Variants in GTF3C2 observed in about 807,000 individuals in gnomAD.
The protein encoded by GTF3C2 is general transcription factor IIIC subunit 2.
A neutral mutation model predicts 117.4 loss-of-function variants in GTF3C2; 17 were observed. The observed-to-expected ratio is 0.14, with a 90% CI of 0.10 to 0.22. GTF3C2 has a LOEUF of 0.22. Ranked by LOEUF, GTF3C2 falls within the 10% of genes least tolerant of loss-of-function variation. The pLI, the probability that GTF3C2 is intolerant of heterozygous loss-of-function variation, is 1.00. For missense variants in GTF3C2, 888 were observed against 1,143.6 expected, an observed-to-expected ratio of 0.78 and a Z score of 3.22; for synonymous variants, 437 against 427.0, an observed-to-expected ratio of 1.02 and a Z score of -0.29.
intron 1 of GTF3C2, among the ~76,000 whole-genome samples, chr2:27,345,493 G>A (rs1232522522): frequency 2.6e-5 from 4 of 151,402 alleles, no homozygotes; most frequent in East Asian, 2.0e-4. Context: ...CTCAGGAGGC[G>A]GAGGCAAGAG....
At chr2:27,335,658 C>T (rs865963184) in exon 10 of GTF3C2, 4 of 1,562,164 alleles carry the variant, frequency 2.6e-6, no homozygotes, top group Non-Finnish European at 3.5e-6. Context: ...AGTACTTTCC[C>T]GTCTGAGCAG....
At chr2:27,336,084 C>T in intron 8 of GTF3C2, 56 bp from the exon 9 acceptor site, 1 of 1,394,138 alleles carries the variant, frequency 7.2e-7, no homozygotes, top group Non-Finnish European at 1.0e-6. Context: ...GCAGGGCTGC[C>T]AGAGGTAAGC....
exon 19 of GTF3C2, chr2:27,326,149 AAAG>A (rs1318478304): frequency 2.2e-6 from 1 of 464,484 alleles, no homozygotes; most frequent in South Asian, 1.6e-5. Context: ...TTCCTTGGTC[AAAG>A]AAGTACTCTA....
intron 18 of GTF3C2, 73 bp from the exon 19 acceptor site, chr2:27,326,966 CA>C (rs35568684): frequency 0.42 from 272,268 of 648,580 alleles, 22,102 homozygotes; most frequent in Admixed American, 0.48. Flanking sequence ...GCTGTATGAA[CA>C]AAAAAAAAAA....
In GTF3C2 at chr2:27,327,287, G is replaced by A. The variant is rs367564545; in HGVS notation, c.2410-3C>T. 6.6e-7 allele frequency: 1 copy of A among 1,506,880 alleles called. No individual in the cohort carries two copies. The highest frequency in any genetic ancestry group is 9.2e-7 in the Non-Finnish European group (1 of 1,088,216). The allele number at this position is 1,506,880 out of a possible 1,614,324, so 93.3% of individuals were successfully genotyped here. A position where few individuals can be genotyped will look rare whatever the true frequency, so the allele number is the denominator to read the frequency against. On this transcript the variant is annotated splice_polypyrimidine_tract_variant and splice_region_variant and intron_variant, in intron 17 of 18. Coordinates refer to ENST00000264720, the Ensembl canonical transcript of GTF3C2. ...CGGAGCAGATCATGGAATGAACCCTGGGGAAGGGAAATGGAATAGGAGAGA... is the reference window on the plus strand; with the variant it reads ...CGGAGCAGATCATGGAATGAACCCTAGGGAAGGGAAATGGAATAGGAGAGA...
intron 3 of GTF3C2, 107 bp downstream of exon 3, chr2:27,342,719 C>T: frequency 1.2e-6 from 1 of 807,038 alleles, no homozygotes; most frequent in Admixed American, 2.3e-5. Flanking sequence ...ATCCAGACAC[C>T]ACCCCTGCTT....
chr2:27,343,619 A>G (rs766396454), intron 1 of GTF3C2, 41 bp from the exon 2 acceptor site: 1 of 1,529,614 alleles, frequency 6.5e-7, no homozygotes, highest in Non-Finnish European at 9.0e-7. Flanking sequence ...GACAAAAACT[A>G]TTTGTACTAG....
rs1227598196 is a variant in GTF3C2, at chr2:27,335,713, G to T, written c.1468-7C>A. The T allele has an allele frequency of 2.0e-6, 3 of 1,537,674 alleles. No individual in the cohort carries two copies. The highest frequency in any genetic ancestry group is 2.6e-6 in the Non-Finnish European group (3 of 1,132,240). On this transcript the variant is annotated splice_region_variant and splice_polypyrimidine_tract_variant and intron_variant, in intron 9 of 18. Coordinates refer to ENST00000264720, the Ensembl canonical transcript of GTF3C2. ...ACCGGGGCAGGAGAGGAGCCTAAAG[G>T]GTAAAAGGTATGCTGAGGCTTGCTG...
At chr2:27,335,554 G>A (rs2148275480) in intron 10 of GTF3C2, 44 bp downstream of exon 10, 2 of 1,106,920 alleles carry the variant, frequency 1.8e-6, no homozygotes, top group East Asian at 2.6e-5. Context: ...GCTATGCTGT[G>A]ACCACCACTA....
At chr2:27,340,946 T>C (rs1680706869) in intron 4 of GTF3C2, 1 of 151,754 alleles carries the variant, frequency 6.6e-6, no homozygotes, top group East Asian at 2.0e-4. Flanking sequence ...CTGTCAACTA[T>C]AGTTTGACCT....
chr2:27,328,019 C>T lies in GTF3C2; in HGVS notation c.2409+18G>A, dbSNP rs1680147786. 5 of 1,602,124 alleles carry T rather than the reference C, an allele frequency of 3.1e-6. No homozygotes were observed. The highest frequency in any genetic ancestry group is 1.1e-5 in the South Asian group (1 of 89,676). On this transcript the variant is annotated intron_variant, in intron 17 of 18. Transcript: ENST00000264720. ...TACCTTTTCTAATACCACACCCATT[C>T]TCCTGGCCTCAGCTTACCAAATCTG...
intron 4 of GTF3C2, among the ~76,000 whole-genome samples, chr2:27,338,906 A>G (rs1274427494): frequency 6.6e-6 from 1 of 152,074 alleles, no homozygotes; most frequent in East Asian, 1.9e-4. Context: ...GGGCTCAAGC[A>G]ATCCTCTTGC....
In GTF3C2 at chr2:27,341,856, C is replaced by T. The variant is rs1680743551; in HGVS notation, c.855+92G>A. ...TAACCTGTTTTGTCTATTATAGTTA[C>T]CAGGTCAAAGCTGTCCTTCCTTTCT... On this transcript the variant is annotated intron_variant, in intron 4 of 18. Coordinates refer to ENST00000264720, the Ensembl canonical transcript of GTF3C2. 4.6e-6 allele frequency: 5 copies of T among 1,086,400 alleles called. No homozygotes were observed. The South Asian group carries it at 7.5e-5, about 16-fold the overall frequency. The allele number at this position is 1,086,400 out of a possible 1,614,324, so 67.3% of individuals were successfully genotyped here. A position where few individuals can be genotyped will look rare whatever the true frequency, so the allele number is the denominator to read the frequency against.
chr2:27,329,542 G>A lies in GTF3C2; in HGVS notation c.1733-19C>T, dbSNP rs1201796068. The stretch of plus-strand genomic sequence containing the variant: ...ACCATGCCTGAAATAAGGACAGAAT[G>A]TGTGAGCATTAAAAGCAAGTTCTCT... On this transcript the variant is annotated intron_variant, in intron 12 of 18. Transcript: ENST00000264720. The surrounding 1 kb of genome is among the most constrained non-coding windows in gnomAD (Gnocchi z 4.5). The A allele has an allele frequency of 3.7e-6, 6 of 1,612,168 alleles. No individual in the cohort carries two copies. The highest frequency in any genetic ancestry group is 1.7e-5 in the Admixed American group (1 of 59,694).
intron 5 of GTF3C2, 131 bp from the exon 6 acceptor site, chr2:27,337,689 G>T: frequency 1.3e-6 from 1 of 744,358 alleles, no homozygotes. Context: ...GCTCCAATTA[G>T]CTACCAAGCA....
rs1680775281 is a variant in GTF3C2, at chr2:27,342,612, TA to T, written c.569+213del. 3 of 578,816 alleles carry T rather than the reference TA, an allele frequency of 5.2e-6. No individual in the cohort carries two copies. The Admixed American group carries it at 9.4e-5, about 18-fold the overall frequency. The allele number at this position is 578,816 out of a possible 1,614,324, so 35.9% of individuals were successfully genotyped here. ...AGTTTGTGAAAAATGGCATAGGACA[TA>T]AAGTACAGACAATAATTCTTAGATA... On this transcript the variant is annotated intron_variant, in intron 3 of 18. Coordinates refer to ENST00000264720, the Ensembl canonical transcript of GTF3C2.
intron 1 of GTF3C2, among the ~76,000 whole-genome samples, chr2:27,354,587 T>C (rs1681260184): frequency 6.6e-6 from 1 of 152,006 alleles, no homozygotes; most frequent in African/African-American, 2.4e-5. Flanking sequence ...AAACCCCATC[T>C]CTACTAAAAA....
chr2:27,327,960 C>T (rs1680143488), intron 17 of GTF3C2, 77 bp downstream of exon 17: 1 of 1,231,024 alleles, frequency 8.1e-7, no homozygotes, highest in Non-Finnish European at 1.1e-6. Context: ...GTGCTGAACT[C>T]AGGCTTGCGT....
intron 1 of GTF3C2, among the ~76,000 whole-genome samples, chr2:27,349,210 C>T (rs1187889387): frequency 7.1e-6 from 1 of 140,332 alleles, no homozygotes; most frequent in Non-Finnish European, 1.5e-5. Context: ...TGCAGTGGCG[C>T]GATTTCGGCT....
Sources: gnomAD v4.1 joint callset for allele counts (sites outside exome capture counted in the v4.1 genomes callset) on GRCh38, gnomAD v4.1.1 for gene constraint, Gnocchi (gnomAD v3.1) non-coding constraint, MANE v1.5 for transcripts, NCBI Gene and HGNC (gene_info 2026-07-23, HGNC 2026-07-21) for gene names.